PLSCR5: variants seen among roughly 807,000 people sequenced by gnomAD.
PLSCR5 encodes the protein phospholipid scramblase family member 5, also known as phospholipid scramblase family, member 5.
PLSCR5 carries 44 observed loss-of-function variants against 33.6 expected under a neutral mutation model. That is an observed-to-expected ratio of 1.31 (90% CI 1.03 to 1.69). PLSCR5 has a LOEUF of 1.69. Among genes scored for constraint, PLSCR5 ranks in the 40% most tolerant of loss-of-function variants. PLSCR5 has a pLI of 0.00. For synonymous variants in PLSCR5, 148 were observed against 112.3 expected, an observed-to-expected ratio of 1.32 and a Z score of -2.01; for missense variants, 375 against 318.7, an observed-to-expected ratio of 1.18 and a Z score of -1.34.
chr3:146,584,823 A>G (rs1654921587), downstream of PLSCR5, among the ~76,000 whole-genome samples: 1 of 152,272 alleles, frequency 6.6e-6, no homozygotes, highest in African/African-American at 2.4e-5. Flanking sequence ...GGAAATGATC[A>G]TCTCCTAATT....
chr3:146,584,329 AG>A (rs1190657707), downstream of PLSCR5, among the ~76,000 whole-genome samples: 1 of 152,190 alleles, frequency 6.6e-6, no homozygotes, highest in Non-Finnish European at 1.5e-5. Flanking sequence ...GAGAATCTCA[AG>A]GAGATCCCCA....
At chr3:146,580,629 A>C (rs2044627620) in intron 7 of PLSCR5, among the ~76,000 whole-genome samples, 1 of 151,552 alleles carries the variant, frequency 6.6e-6, no homozygotes, top group African/African-American at 2.4e-5. Context: ...ATGCCCAGTT[A>C]ATTTTTTGTA....
intron 2 of PLSCR5, among the ~76,000 whole-genome samples, chr3:146,595,898 C>A (rs529369565): frequency 6.6e-6 from 1 of 152,156 alleles, no homozygotes; most frequent in Non-Finnish European, 1.5e-5. Context: ...ATTTGTTAAA[C>A]CTGAAAGGTT....
chr3:146,593,952 T>TA lies in PLSCR5; in HGVS notation c.420dup (p.Asn141Ter). 6.2e-7 allele frequency: 1 copy of TA among 1,613,768 alleles called. No homozygotes were observed. The highest frequency in any genetic ancestry group is 1.7e-5 in the Admixed American group (1 of 59,996). On this transcript the variant is annotated frameshift_variant, in exon 4 of 8. Transcript: ENST00000443512. LOFTEE classifies it high-confidence loss of function. ...AGGTAGCAAGGGCACCAGCAGCTGT[T>TA]ACATCTCAAGGGCCTGTTCACTGTA...
chr3:146,601,516 A>C (rs905429185), intron 1 of PLSCR5, among the ~76,000 whole-genome samples: 4 of 152,272 alleles, frequency 2.6e-5, no homozygotes, highest in African/African-American at 9.6e-5. Flanking sequence ...GTATTTTCAA[A>C]TATGAGAAGG....
chr3:146,589,484 G>A (rs1328142874), intron 6 of PLSCR5, 169 bp downstream of exon 6: 2 of 538,050 alleles, frequency 3.7e-6, no homozygotes, highest in African/African-American at 2.0e-5. Flanking sequence ...TAACAGAAAT[G>A]CAGGGTTCTA....
At chr3:146,578,483 T>TC (rs1306188788) in intron 7 of PLSCR5, among the ~76,000 whole-genome samples, 10 of 83,074 alleles carry the variant, frequency 1.2e-4, no homozygotes, top group Non-Finnish European at 2.5e-4. Flanking sequence ...CCATTTTATT[T>TC]CCTTATTTTA....
chr3:146,593,177 TG>T (rs2044729552), intron 4 of PLSCR5, among the ~76,000 whole-genome samples: 2 of 152,144 alleles, frequency 1.3e-5, no homozygotes, highest in Middle Eastern at 3.2e-3. Flanking sequence ...ATTTCTTGAA[TG>T]TATAGTCATA....
chr3:146,600,601 C>T, intron 1 of PLSCR5, 138 bp from the exon 2 acceptor site: 7 of 885,898 alleles, frequency 7.9e-6, no homozygotes, highest in Non-Finnish European at 1.1e-5. Flanking sequence ...TCCTTCTTTT[C>T]ACTACTCACT....
intron 1 of PLSCR5, among the ~76,000 whole-genome samples, chr3:146,604,156 T>G (rs2044843981): frequency 6.6e-6 from 1 of 152,126 alleles, no homozygotes; most frequent in Non-Finnish European, 1.5e-5. Context: ...TTTCACCAAT[T>G]ATACTAATTA....
At chr3:146,577,219 GTTC>G (rs1408668714) in intron 7 of PLSCR5, among the ~76,000 whole-genome samples, 1 of 151,972 alleles carries the variant, frequency 6.6e-6, no homozygotes, top group African/African-American at 2.4e-5. Context: ...ATGGTTTTAT[GTTC>G]TTATCATCTT....
At chr3:146,588,344 G>T (rs1357581304) in intron 6 of PLSCR5, among the ~76,000 whole-genome samples, 1 of 152,064 alleles carries the variant, frequency 6.6e-6, no homozygotes, top group East Asian at 1.9e-4. Flanking sequence ...GGTGGCACAT[G>T]CCTGTAATCC....
intron 7 of PLSCR5, among the ~76,000 whole-genome samples, chr3:146,577,587 T>C (rs1362484326): frequency 6.6e-6 from 1 of 152,072 alleles, no homozygotes; most frequent in Non-Finnish European, 1.5e-5. Flanking sequence ...CTTAGAAAAA[T>C]AGGAATATAT....
In PLSCR5 at chr3:146,598,986, G is replaced by A. The variant is rs147589598; in HGVS notation, c.189+1302C>T. Among the ~76,000 whole-genome samples, 604 of 152,324 alleles carry A rather than the reference G, an allele frequency of 4.0e-3. 3 individuals carry two copies. The highest frequency in any genetic ancestry group is 6.8e-3 in the Middle Eastern group (2 of 294). On this transcript the variant is annotated intron_variant, in intron 2 of 7. Transcript: ENST00000443512. ...CTTGTACCTTAAGGGAATTAACACA[G>A]AGATTTGATTTTGATAAAGGAGATA...
chr3:146,590,095 A>G, intron 5 of PLSCR5: 1 of 212,954 alleles, frequency 4.7e-6, no homozygotes, highest in Non-Finnish European at 9.2e-6. Flanking sequence ...ATTAAGGCTC[A>G]GCCACCACAA....
At chr3:146,597,632 G>C (rs996236237) in intron 2 of PLSCR5, among the ~76,000 whole-genome samples, 1 of 152,084 alleles carries the variant, frequency 6.6e-6, no homozygotes, top group Non-Finnish European at 1.5e-5. Flanking sequence ...ATAGCACATA[G>C]CCACTTACAA....
Position 146,594,067 on chromosome 3 carries a change from C to T in PLSCR5, c.306G>A (p.Val102=). 6.2e-7 allele frequency: 1 copy of T among 1,613,706 alleles called. No homozygotes were observed. The highest frequency in any genetic ancestry group is 8.5e-7 in the Non-Finnish European group (1 of 1,179,766). The part of the protein sequence containing the change: ...NSLGQRIYFA[V]EESICFNRTF... Reference sequence around the variant, plus strand: ...TACGATTGAAGCAGATGCTTTCCTCCACTGCAAAGTAAATTCTTTGTCCCA... The same window carrying T: ...TACGATTGAAGCAGATGCTTTCCTCTACTGCAAAGTAAATTCTTTGTCCCA... The change falls in exon 4 of 8, where the codon GTG becomes GTA. Residue 102 remains valine, a synonymous_variant. Transcript: ENST00000443512.
At chr3:146,604,321 T>C (rs958818069) in intron 1 of PLSCR5, among the ~76,000 whole-genome samples, 1 of 152,122 alleles carries the variant, frequency 6.6e-6, no homozygotes, top group Non-Finnish European at 1.5e-5. Context: ...ACATCTCTTG[T>C]CTTTTTAGAC....
chr3:146,586,120 T>G lies in PLSCR5; in HGVS notation c.778-8A>C. On this transcript the variant is annotated splice_region_variant and splice_polypyrimidine_tract_variant and intron_variant, in intron 6 of 7. Transcript: ENST00000443512. ...TTCAAAGAACATAAAATCCTACAAA[T>G]AAGTAAACTGAATATAAGTGAATTT... The G allele has an allele frequency of 6.8e-7, 1 of 1,475,164 alleles. No homozygotes were observed. The highest frequency in any genetic ancestry group is 9.0e-7 in the Non-Finnish European group (1 of 1,111,484). The allele number at this position is 1,475,164 out of a possible 1,614,324, so 91.4% of individuals were successfully genotyped here.
Sources: gnomAD v4.1 joint callset for allele counts (sites outside exome capture counted in the v4.1 genomes callset) on GRCh38, gnomAD v4.1.1 for gene constraint, MANE v1.5 for transcripts, NCBI Gene and HGNC (gene_info 2026-07-23, HGNC 2026-07-21) for gene names.